ABCG5: variants seen among roughly 807,000 people sequenced by gnomAD.
ABCG5 encodes ATP binding cassette subfamily G member 5, also known as ATP-binding cassette sub-family G member 5.
A neutral mutation model predicts 64.5 loss-of-function variants in ABCG5; 64 were observed. The ratio of observed to expected loss-of-function variants is 0.99; its 90% CI spans 0.81 to 1.22. The LOEUF (loss-of-function observed/expected upper bound fraction) is 1.22. Among genes scored for constraint, ABCG5 ranks in the 50% most tolerant of loss-of-function variants. The probability of loss-of-function intolerance (pLI) is 0.00; values close to 1 mark genes in which losing one functional copy is unlikely to be tolerated. For missense variants in ABCG5, 908 were observed against 829.5 expected (o/e 1.09, Z -1.16); for synonymous variants, 385 against 326.3 (o/e 1.18, Z -1.94).
intron 2 of ABCG5, among the ~76,000 whole-genome samples, chr2:43,836,056 C>T (rs1255215153): frequency 6.6e-6 from 1 of 152,098 alleles, no homozygotes; most frequent in East Asian, 1.9e-4. Context: ...CCTGCCTCAG[C>T]CTCCCGAGTA....
At chr2:43,834,325 C>T (rs1294711563) in intron 2 of ABCG5, among the ~76,000 whole-genome samples, 1 of 152,220 alleles carries the variant, frequency 6.6e-6, no homozygotes, top group Non-Finnish European at 1.5e-5. Flanking sequence ...CCCACCACTT[C>T]ATCAAAACTG....
At chr2:43,809,927 T>G, downstream of ABCG5, 2 of 1,360,070 alleles carry the variant, frequency 1.5e-6, no homozygotes, top group Non-Finnish European at 1.9e-6. Context: ...CTGTATATCT[T>G]GAAGCTTTTT....
In ABCG5 at chr2:43,827,923, T is replaced by C. The variant is rs868668758; in HGVS notation, c.634+60A>G. 6 of 1,608,538 alleles carry C rather than the reference T, an allele frequency of 3.7e-6. No individual in the cohort carries two copies. In the Middle Eastern group the frequency reaches 9.9e-4, roughly 266 times the overall value. ...GACCGTGAAGAAAGGGCCCAAAGTA[T>C]CTGCACACACACAGAAGATGCCCAG... On this transcript the variant is annotated intron_variant, in intron 5 of 12. Transcript: ENST00000405322.
intron 11 of ABCG5, among the ~76,000 whole-genome samples, chr2:43,816,741 GTA>G (rs1268794899): frequency 6.6e-6 from 1 of 152,086 alleles, no homozygotes; most frequent in African/African-American, 2.4e-5. Context: ...GGGAAAAAAA[GTA>G]TGCATATTTT....
At chr2:43,838,859 C>T (rs774867909), upstream of ABCG5, 567 of 1,283,608 alleles carry the variant, frequency 4.4e-4, no homozygotes, top group Non-Finnish European at 5.1e-4. The surrounding 1 kb of genome is among the most constrained non-coding windows in gnomAD (Gnocchi z 4.2). Context: ...TTAGCCAGCG[C>T]GTCCTTATCT....
At chr2:43,809,900 T>C, downstream of ABCG5, 4 of 1,430,852 alleles carry the variant, frequency 2.8e-6, no homozygotes, top group Non-Finnish European at 3.7e-6. Flanking sequence ...CTGGATTTCT[T>C]GGACTAGTGC....
At chr2:43,809,825 C>A, downstream of ABCG5, 1 of 1,545,600 alleles carries the variant, frequency 6.5e-7, no homozygotes. Flanking sequence ...TAAGATTATA[C>A]TGTGAATTAA....
At chr2:43,836,580 A>T (rs929188913) in intron 2 of ABCG5, among the ~76,000 whole-genome samples, 2 of 152,162 alleles carry the variant, frequency 1.3e-5, no homozygotes, top group African/African-American at 4.8e-5. Context: ...GCCATCCCCC[A>T]GCTGCTGAGA....
upstream of ABCG5, chr2:43,839,040 G>A: frequency 6.4e-7 from 1 of 1,550,660 alleles, no homozygotes; most frequent in Non-Finnish European, 8.7e-7. Context: ...CAGGGTCACA[G>A]ACCTGTGGGC....
At chr2:43,823,762 A>T in intron 9 of ABCG5, 151 bp downstream of exon 9, 1 of 809,698 alleles carries the variant, frequency 1.2e-6, no homozygotes, top group Non-Finnish European at 1.9e-6. Context: ...TTGGTAACTC[A>T]ATAGTTGCCT....
chr2:43,835,895 T>C (rs1338369492), intron 2 of ABCG5, among the ~76,000 whole-genome samples: 1 of 152,144 alleles, frequency 6.6e-6, no homozygotes, highest in Non-Finnish European at 1.5e-5. Flanking sequence ...GTCTATGGTA[T>C]TTTGTTGTAG....
At position 43,831,864 on chromosome 2, in the gene ABCG5, C is replaced by A. The variant is rs746174960; in HGVS notation, c.406G>T (p.Asp136Tyr). The A allele has an allele frequency of 3.8e-6, 6 of 1,570,146 alleles. No individual in the cohort carries two copies. Among genetic ancestry groups the A allele is most frequent in the Non-Finnish European group, 5.2e-6 (6 of 1,159,800 alleles). ...QDCFSYVLQSDTLLSSLTVRE... is the reference protein window; with the variant it reads ...QDCFSYVLQSYTLLSSLTVRE... Reference sequence around the variant, plus strand: ...ACGGTGAGGCTGCTCAGCAGGGTGTCGCTCTGCAGGAGACTCGGGCGTCAG... The same window carrying A: ...ACGGTGAGGCTGCTCAGCAGGGTGTAGCTCTGCAGGAGACTCGGGCGTCAG... Residue 136 changes from aspartate to tyrosine, a missense_variant, in exon 4 of 13, where the codon GAC becomes TAC. Coordinates refer to ENST00000405322, the MANE Select transcript of ABCG5 (RefSeq NM_022436.3).
intron 2 of ABCG5, among the ~76,000 whole-genome samples, chr2:43,835,399 T>C (rs1008285037): frequency 6.6e-6 from 1 of 152,168 alleles, no homozygotes; most frequent in African/African-American, 2.4e-5. Flanking sequence ...AGGTGAAAAT[T>C]TGTTAAAGGA....
At position 43,824,408 on chromosome 2, in the gene ABCG5, T is replaced by C. The variant is rs761733742; in HGVS notation, c.929A>G (p.Gln310Arg). ...FYMDLTSVDT[Q>R]SKEREIETSK... ...GGTTTCTATTTCCCGTTCCTTGCTTTGGGTATCCACTGACGTCAGGTCCAC... is the reference window on the plus strand; with the variant it reads ...GGTTTCTATTTCCCGTTCCTTGCTTCGGGTATCCACTGACGTCAGGTCCAC... Residue 310 changes from glutamine (Q) to arginine (R), a missense_variant, in exon 8 of 13, where the codon CAA (glutamine) becomes CGA (arginine). Coordinates refer to ENST00000405322, the MANE Select transcript of ABCG5 (RefSeq NM_022436.3). The C allele has an allele frequency of 6.2e-7, 1 of 1,614,142 alleles. No individual in the cohort carries two copies. The highest frequency in any genetic ancestry group is 8.5e-7 in the Non-Finnish European group (1 of 1,180,044).
At chr2:43,816,630 G>A (rs1666849626) in intron 11 of ABCG5, among the ~76,000 whole-genome samples, 3 of 152,180 alleles carry the variant, frequency 2.0e-5, no homozygotes, top group South Asian at 2.1e-4. Flanking sequence ...TGCAGCCTCC[G>A]CCTCCCAGGT....
intron 4 of ABCG5, among the ~76,000 whole-genome samples, chr2:43,829,426 T>C (rs1667834158): frequency 6.6e-6 from 1 of 152,156 alleles, no homozygotes; most frequent in Non-Finnish European, 1.5e-5. Flanking sequence ...CATTTAAAAT[T>C]CCCTTTCTTC....
At position 43,828,078 on chromosome 2, in the gene ABCG5, A is replaced by T. The variant is rs1310239351; in HGVS notation, c.539T>A (p.Val180Glu). Residue 180 changes from valine (V) to glutamate (E), a missense_variant, in exon 5 of 13, where the codon GTG becomes GAG. Val to Glu is a moderately radical substitution (Grantham distance 121). Coordinates refer to ENST00000405322, the MANE Select transcript of ABCG5 (RefSeq NM_022436.3). Reference protein sequence around the residue: ...AVMAELSLSHVADRLIGNYSL... With the variant: ...AVMAELSLSHEADRLIGNYSL... Reference sequence around the variant, plus strand: ...GTAGTTGCCAATCAGTCGGTCTGCCACATGGCTCAGACTCAGCTCTGCCAT... The same window carrying T: ...GTAGTTGCCAATCAGTCGGTCTGCCTCATGGCTCAGACTCAGCTCTGCCAT... 6 of 1,614,038 alleles carry T rather than the reference A, an allele frequency of 3.7e-6. No homozygotes were observed. Among genetic ancestry groups the T allele is most frequent in the Non-Finnish European group, 4.2e-6 (5 of 1,180,040 alleles).
At chr2:43,806,544 A>T in the ABCG5 span, among the ~76,000 whole-genome samples, 5 of 152,232 alleles carry the variant, frequency 3.3e-5, no homozygotes, top group Non-Finnish European at 7.3e-5. Context: ...AAATGACCTT[A>T]TGTAACCCTT....
intron 6 of ABCG5, among the ~76,000 whole-genome samples, chr2:43,825,725 G>C (rs970756455): frequency 6.6e-6 from 1 of 151,748 alleles, no homozygotes; most frequent in Non-Finnish European, 1.5e-5. Flanking sequence ...TCCTGCCTCA[G>C]CTTCCCGAAT....
Sources: allele counts gnomAD v4.1 joint callset (sites outside exome capture counted in the v4.1 genomes callset), GRCh38; gene constraint gnomAD v4.1.1; non-coding constraint Gnocchi (gnomAD v3.1); transcripts MANE v1.5; gene names NCBI Gene and HGNC (gene_info 2026-07-23, HGNC 2026-07-21).